Variants in FBXO21 observed in about 807,000 individuals in gnomAD.
FBXO21 encodes F-box only protein 21.
FBXO21 carries 32 observed loss-of-function variants against 76.6 expected under a neutral mutation model. The observed-to-expected ratio is 0.42, with a 90% confidence interval of 0.32 to 0.56. The LOEUF (loss-of-function observed/expected upper bound fraction) is 0.56. Among genes scored for constraint, FBXO21 ranks in the 20% least tolerant of loss-of-function variants. The pLI is 0.16. For synonymous variants in FBXO21, 328 were observed against 311.5 expected (o/e 1.05, Z -0.56); for missense variants, 586 against 797.3 (o/e 0.73, Z 3.19).
chr12:117,155,625 C>T (rs1217543510), intron 11 of FBXO21, 166 bp downstream of exon 11: 9 of 780,300 alleles, frequency 1.2e-5, no homozygotes, highest in South Asian at 8.6e-5. Flanking sequence ...CCTGTGCAGA[C>T]CCAGCCACGT....
intron 10 of FBXO21, 67 bp downstream of exon 10, chr12:117,157,806 G>T (rs1955933928): frequency 1.4e-6 from 2 of 1,404,602 alleles, no homozygotes; most frequent in Admixed American, 2.1e-5. Flanking sequence ...GGGCTCACCA[G>T]GTGCATGTGT....
chr12:117,173,363 A>C (rs1220849655), intron 6 of FBXO21, among the ~76,000 whole-genome samples: 1 of 152,206 alleles, frequency 6.6e-6, no homozygotes, highest in African/African-American at 2.4e-5. Flanking sequence ...GGCCTGTTAC[A>C]GGAAAAGTTG....
intron 3 of FBXO21, among the ~76,000 whole-genome samples, chr12:117,182,267 G>A (rs193066123): frequency 4.0e-4 from 61 of 152,308 alleles, no homozygotes; most frequent in African/African-American, 1.4e-3. Flanking sequence ...GCCAAGGTGG[G>A]AGGATCACTT....
chr12:117,164,517 C>T (rs1462081414), intron 9 of FBXO21, among the ~76,000 whole-genome samples: 3 of 152,074 alleles, frequency 2.0e-5, no homozygotes, highest in African/African-American at 7.2e-5. Context: ...CTCAGGTGAT[C>T]CACCTGCTTC....
At chr12:117,156,955 G>A (rs1295892446) in intron 10 of FBXO21, among the ~76,000 whole-genome samples, 4 of 152,164 alleles carry the variant, frequency 2.6e-5, no homozygotes, top group South Asian at 2.1e-4. Context: ...AGCCTGAGAC[G>A]GCAGATCACT....
intron 7 of FBXO21, among the ~76,000 whole-genome samples, chr12:117,168,493 C>A (rs1274848718): frequency 6.6e-6 from 1 of 151,656 alleles, no homozygotes; most frequent in South Asian, 2.1e-4. Flanking sequence ...CACTGCCCTC[C>A]AGCCTGGGTG....
intron 2 of FBXO21, chr12:117,189,007 C>T: frequency 1.7e-6 from 1 of 580,028 alleles, no homozygotes; most frequent in Non-Finnish European, 3.0e-6. Flanking sequence ...CCCCCACTCT[C>T]TCTCTGGCTT....
intron 9 of FBXO21, among the ~76,000 whole-genome samples, chr12:117,162,279 C>CT (rs1955988314): frequency 6.6e-6 from 1 of 152,164 alleles, no homozygotes; most frequent in African/African-American, 2.4e-5. Flanking sequence ...GAGAAGGTGC[C>CT]TGTGTGCTGG....
At chr12:117,167,328 C>T (rs545065992) in intron 7 of FBXO21, among the ~76,000 whole-genome samples, 1 of 152,248 alleles carries the variant, frequency 6.6e-6, no homozygotes, top group Admixed American at 6.5e-5. Context: ...AAACTCACTG[C>T]CAGGAGTATC....
At chr12:117,188,591 GA>G (rs1956310644) in intron 2 of FBXO21, among the ~76,000 whole-genome samples, 1 of 131,524 alleles carries the variant, frequency 7.6e-6, no homozygotes, top group South Asian at 2.4e-4. Context: ...TTTGAGGAAA[GA>G]AAAAAAGAAA....
At chr12:117,172,378 G>C in intron 7 of FBXO21, 93 bp downstream of exon 7, 6 of 1,437,344 alleles carry the variant, frequency 4.2e-6, no homozygotes, top group Admixed American at 2.0e-5. Context: ...AACCTGTGTG[G>C]TAACACCCAA....
intron 3 of FBXO21, among the ~76,000 whole-genome samples, chr12:117,181,621 C>CTATT: frequency 6.6e-6 from 1 of 152,010 alleles, no homozygotes. Context: ...ATCTATCTAT[C>CTATT]TATCTATCTA....
At chr12:117,156,317 T>C (rs1445744583) in intron 10 of FBXO21, among the ~76,000 whole-genome samples, 1 of 152,068 alleles carries the variant, frequency 6.6e-6, no homozygotes, top group African/African-American at 2.4e-5. Flanking sequence ...GAAGGTTTGT[T>C]AAAACAAGGC....
chr12:117,182,466 G>A (rs1348769568), intron 3 of FBXO21, among the ~76,000 whole-genome samples: 1 of 151,554 alleles, frequency 6.6e-6, no homozygotes, highest in Non-Finnish European at 1.5e-5. Context: ...TCCAGCCTGG[G>A]CAACAGGATG....
intron 11 of FBXO21, among the ~76,000 whole-genome samples, chr12:117,147,534 G>A (rs1955788784): frequency 6.9e-6 from 1 of 144,972 alleles, no homozygotes; most frequent in Non-Finnish European, 1.5e-5. Flanking sequence ...GGAGGCGGAG[G>A]TTGCAGTGAG....
In FBXO21 at chr12:117,155,784, C is replaced by T. The variant is rs768212114; in HGVS notation, c.1675+7G>A. ...GGCCACTGGCACAAGCGGAACCCGC[C>T]GCTTACCTTGGGCTGCGTATCGACA... is the stretch of plus-strand genomic sequence containing the variant. On this transcript the variant is annotated splice_region_variant and intron_variant, in intron 11 of 11. Coordinates refer to ENST00000622495, the MANE Select transcript of FBXO21 (RefSeq NM_015002.3). The T allele has an allele frequency of 2.5e-6, 4 of 1,610,942 alleles. No individual in the cohort carries two copies. The highest frequency in any genetic ancestry group is 1.7e-5 in the Admixed American group (1 of 59,568).
chr12:117,180,795 T>C (rs1956220779), intron 3 of FBXO21, among the ~76,000 whole-genome samples: 1 of 152,038 alleles, frequency 6.6e-6, no homozygotes. Flanking sequence ...AAGCTAATTT[T>C]TTTTTTTTTA....
At position 117,175,962 on chromosome 12, in the gene FBXO21, A is replaced by C. The variant is rs188666517; in HGVS notation, c.593-1165T>G. Among the ~76,000 whole-genome samples the C allele has an allele frequency of 6.8e-4, 103 of 152,356 alleles. 2 individuals are homozygous for C. The highest frequency in any genetic ancestry group is 6.7e-3 in the Admixed American group (103 of 15,306). Reference sequence around the variant, plus strand: ...TATACTATTCTTAACTGTGAAATAAACAGAAGATAGGATGCTTCTCAACTC... The same window carrying C: ...TATACTATTCTTAACTGTGAAATAACCAGAAGATAGGATGCTTCTCAACTC... On this transcript the variant is annotated intron_variant, in intron 4 of 11. Coordinates refer to ENST00000622495, the MANE Select transcript of FBXO21 (RefSeq NM_015002.3).
intron 2 of FBXO21, 152 bp downstream of exon 2, chr12:117,189,075 G>A: frequency 2.4e-6 from 2 of 817,940 alleles, no homozygotes; most frequent in Non-Finnish European, 3.9e-6. Flanking sequence ...GGAGGAAAAG[G>A]ACACAATGAC....
Sources: allele counts gnomAD v4.1 joint callset (sites outside exome capture counted in the v4.1 genomes callset), GRCh38; gene constraint gnomAD v4.1.1; transcripts MANE v1.5; gene names NCBI Gene and HGNC (gene_info 2026-07-23, HGNC 2026-07-21).